Variants in KIAA0319L observed in about 807,000 individuals in gnomAD.
KIAA0319L encodes the protein dyslexia-associated protein KIAA0319-like protein.
In KIAA0319L, 55 loss-of-function variants were observed where a neutral mutation model predicts 120.1. The observed-to-expected ratio is 0.46, with a 90% CI of 0.37 to 0.57. The LOEUF (loss-of-function observed/expected upper bound fraction) is 0.57, where lower values mean the gene tolerates loss of function less well. Ranked by LOEUF, KIAA0319L falls within the 20% of genes least tolerant of loss-of-function variation. The pLI, the probability that KIAA0319L is intolerant of heterozygous loss-of-function variation, is 0.00. For missense variants in KIAA0319L, 1,049 were observed against 1,255.3 expected, an observed-to-expected ratio of 0.84 and a Z score of 2.48; for synonymous variants, 398 against 471.9, an observed-to-expected ratio of 0.84 and a Z score of 2.03.
At chr1:35,495,623 G>GT (rs895806007) in intron 3 of KIAA0319L, among the ~76,000 whole-genome samples, 1 of 151,898 alleles carries the variant, frequency 6.6e-6, no homozygotes, top group African/African-American at 2.4e-5. Context: ...AAATAACACA[G>GT]TTTTTTTGTT....
chr1:35,463,251 A>G (rs2149110320), intron 7 of KIAA0319L, among the ~76,000 whole-genome samples: 1 of 152,362 alleles, frequency 6.6e-6, no homozygotes, highest in Non-Finnish European at 1.5e-5. Context: ...ACTTCGGAGT[A>G]TAAAAGCCTC....
At chr1:35,465,100 C>G (rs966970038) in intron 7 of KIAA0319L, among the ~76,000 whole-genome samples, 9 of 152,180 alleles carry the variant, frequency 5.9e-5, no homozygotes, top group Non-Finnish European at 1.2e-4. Context: ...GAGGCCCACA[C>G]AGTCCCTACT....
At chr1:35,467,657 T>C (rs1194239017) in intron 6 of KIAA0319L, among the ~76,000 whole-genome samples, 1 of 152,120 alleles carries the variant, frequency 6.6e-6, no homozygotes, top group Non-Finnish European at 1.5e-5. Context: ...TCATTTAGCA[T>C]GAACACCTTC....
At chr1:35,503,887 CTTTT>C (rs1175289801) in intron 3 of KIAA0319L, among the ~76,000 whole-genome samples, 2 of 138,628 alleles carry the variant, frequency 1.4e-5, no homozygotes, top group Non-Finnish European at 1.6e-5. Flanking sequence ...TTGTGATTTT[CTTTT>C]TTTTTTTTTT....
intron 20 of KIAA0319L, among the ~76,000 whole-genome samples, chr1:35,435,819 G>A (rs1320023862): frequency 2.0e-5 from 3 of 152,216 alleles, no homozygotes; most frequent in Non-Finnish European, 2.9e-5. Context: ...CCACAGACAT[G>A]AAATGTGGTC....
intron 3 of KIAA0319L, among the ~76,000 whole-genome samples, chr1:35,502,881 C>G (rs958067679): frequency 5.0e-4 from 76 of 152,312 alleles, no homozygotes; most frequent in African/African-American, 1.8e-3. Flanking sequence ...AACTACCTAG[C>G]AAAGTTCCTA....
intron 9 of KIAA0319L, among the ~76,000 whole-genome samples, chr1:35,459,580 G>C (rs1018434629): frequency 2.7e-5 from 4 of 150,692 alleles, no homozygotes; most frequent in Admixed American, 1.3e-4. Context: ...CTGGGCGACA[G>C]AGCAAGACTC....
rs781642469 is a variant in KIAA0319L at position 35,449,873 on chromosome 1, T to C, written c.2347A>G (p.Lys783Glu). ...CATCACTAAATGAACTCACCAGGTT[T>C]CACCTCCACAGTGGTCCGGTCTGTG... is the stretch of plus-strand genomic sequence containing the variant. ...SDTDRTTVEV[K>E]PDPRKNNLVE... The change falls in exon 15 of 21, where the codon AAA becomes GAA. Residue 783 changes from lysine (K) to glutamate (E), a missense_variant. Coordinates refer to ENST00000325722, the MANE Select transcript of KIAA0319L (RefSeq NM_024874.5). The C allele has an allele frequency of 1.2e-6, 2 of 1,614,114 alleles. No individual in the cohort carries two copies. The highest frequency in any genetic ancestry group is 1.7e-6 in the Non-Finnish European group (2 of 1,180,002).
intron 2 of KIAA0319L, among the ~76,000 whole-genome samples, chr1:35,552,592 T>C (rs1347785299): frequency 1.3e-5 from 2 of 152,158 alleles, no homozygotes; most frequent in Non-Finnish European, 2.9e-5. Flanking sequence ...AGGTATGTAA[T>C]GTTTACAATT....
intron 4 of KIAA0319L, among the ~76,000 whole-genome samples, chr1:35,475,634 C>A (rs1010920158): frequency 3.9e-5 from 6 of 152,120 alleles, no homozygotes; most frequent in African/African-American, 1.4e-4. Context: ...CACCACCACG[C>A]CCAGCTTGCT....
At chr1:35,478,069 T>C (rs753279139) in intron 4 of KIAA0319L, among the ~76,000 whole-genome samples, 5 of 152,082 alleles carry the variant, frequency 3.3e-5, no homozygotes, top group Non-Finnish European at 5.9e-5. Flanking sequence ...TACTCAGCCA[T>C]AAAAAAGAAT....
chr1:35,504,295 C>T (rs1484844658), intron 3 of KIAA0319L, among the ~76,000 whole-genome samples: 1 of 152,012 alleles, frequency 6.6e-6, no homozygotes, highest in African/African-American at 2.4e-5. Flanking sequence ...CTCCCAGGTT[C>T]ACGACATTCT....
chr1:35,450,050 T>A, intron 14 of KIAA0319L, 45 bp from the exon 15 acceptor site: 1 of 1,610,060 alleles, frequency 6.2e-7, no homozygotes, highest in Non-Finnish European at 8.5e-7. Flanking sequence ...CAAAATGCCA[T>A]TCCTTTCCTG....
chr1:35,488,381 T>G (rs1396930456), intron 3 of KIAA0319L, among the ~76,000 whole-genome samples: 1 of 152,194 alleles, frequency 6.6e-6, no homozygotes, highest in Non-Finnish European at 1.5e-5. Context: ...GGGAAGAGTC[T>G]GAGATGACAC....
rs183535595 is a variant in KIAA0319L, at chr1:35,465,878, C to A, written c.1201+730G>T. Among the ~76,000 whole-genome samples, 17 of 152,262 alleles carry A rather than the reference C, an allele frequency of 1.1e-4. 1 individual carries two copies. In the East Asian group the frequency reaches 3.3e-3, roughly 29 times the overall value. On this transcript the variant is annotated intron_variant, in intron 7 of 20. Coordinates refer to ENST00000325722, the MANE Select transcript of KIAA0319L (RefSeq NM_024874.5). ...AAATGGGAGTTTCCTTGCACAAACT[C>A]TCTTTTTGCTTGTTGTCATCTACAT...
chr1:35,462,856 G>C, intron 7 of KIAA0319L, 143 bp from the exon 8 acceptor site: 2 of 580,550 alleles, frequency 3.4e-6, no homozygotes, highest in Non-Finnish European at 3.0e-6. Context: ...TTTTGTGGAA[G>C]ACAATTTTTC....
At chr1:35,473,989 T>A (rs886927305) in intron 5 of KIAA0319L, among the ~76,000 whole-genome samples, 5 of 152,372 alleles carry the variant, frequency 3.3e-5, no homozygotes, top group Middle Eastern at 3.4e-3. Flanking sequence ...GTGAAAGTAA[T>A]GTTCATATTA....
At chr1:35,520,126 G>A (rs1019905197) in intron 2 of KIAA0319L, among the ~76,000 whole-genome samples, 8 of 149,346 alleles carry the variant, frequency 5.4e-5, no homozygotes, top group South Asian at 2.1e-4. Flanking sequence ...TTTTTGAGAC[G>A]GAGTCTCACT....
chr1:35,491,014 CTG>C (rs1644572947), intron 3 of KIAA0319L, among the ~76,000 whole-genome samples: 1 of 152,230 alleles, frequency 6.6e-6, no homozygotes, highest in Admixed American at 6.5e-5. Context: ...GTCTGCAGAA[CTG>C]TGAGTCAATT....
Sources: gnomAD v4.1 joint callset for allele counts (sites outside exome capture counted in the v4.1 genomes callset) on GRCh38, gnomAD v4.1.1 for gene constraint, MANE v1.5 for transcripts, NCBI Gene and HGNC (gene_info 2026-07-23, HGNC 2026-07-21) for gene names.